ROCK2: variants seen among roughly 807,000 people sequenced by gnomAD.
ROCK2 encodes Rho associated coiled-coil containing protein kinase 2.
A neutral mutation model predicts 195.1 loss-of-function variants in ROCK2; 61 were observed. The ratio of observed to expected loss-of-function variants is 0.31; its 90% CI spans 0.25 to 0.39. ROCK2 has a LOEUF of 0.39. Ranked by LOEUF, ROCK2 falls within the 10% of genes least tolerant of loss-of-function variation. The pLI, the probability that ROCK2 is intolerant of heterozygous loss-of-function variation, is 1.00. For synonymous variants in ROCK2, 504 were observed against 545.5 expected, an observed-to-expected ratio of 0.92 and a Z score of 1.06; for missense variants, 1,109 against 1,637.4, an observed-to-expected ratio of 0.68 and a Z score of 5.57.
intron 1 of ROCK2, chr2:11,307,964 G>T: frequency 6.8e-7 from 1 of 1,468,392 alleles, no homozygotes; most frequent in South Asian, 1.4e-5. Flanking sequence ...TGGGAAGGAT[G>T]GCGCCCTAGA....
intron 1 of ROCK2, among the ~76,000 whole-genome samples, chr2:11,295,211 A>T (rs889133420): frequency 6.6e-6 from 1 of 152,164 alleles, no homozygotes; most frequent in Non-Finnish European, 1.5e-5. Context: ...AACAGAAAAC[A>T]GGCAATTTAC....
At chr2:11,334,510 C>CAAAAAAAAAAAAAAAAAAAA (rs34182610) in intron 1 of ROCK2, among the ~76,000 whole-genome samples, 1 of 89,674 alleles carries the variant, frequency 1.1e-5, no homozygotes, top group African/African-American at 4.4e-5. Flanking sequence ...GACTCTGTCT[C>CAAAAAAAAAAAAAAAAAAAA]AAAAAAAAAA....
intron 1 of ROCK2, among the ~76,000 whole-genome samples, chr2:11,317,612 A>ATATATATATATAT (rs59701503): frequency 1.6e-4 from 3 of 19,308 alleles, no homozygotes; most frequent in African/African-American, 4.8e-4. Context: ...ATATATATAT[A>ATATATATATATAT]TTTTTTTTTT....
At chr2:11,198,241 T>C (rs1663712098) in intron 25 of ROCK2, among the ~76,000 whole-genome samples, 1 of 152,132 alleles carries the variant, frequency 6.6e-6, no homozygotes, top group South Asian at 2.1e-4. Context: ...ACACATTAAA[T>C]TACAACAATA....
At chr2:11,261,087 T>C (rs1380526886) in intron 3 of ROCK2, among the ~76,000 whole-genome samples, 2 of 152,234 alleles carry the variant, frequency 1.3e-5, no homozygotes, top group East Asian at 1.9e-4. Flanking sequence ...TACAAAACTT[T>C]AGAATATTTT....
intron 4 of ROCK2, among the ~76,000 whole-genome samples, chr2:11,245,351 T>C (rs1665576559): frequency 6.6e-6 from 1 of 151,828 alleles, no homozygotes; most frequent in Non-Finnish European, 1.5e-5. Flanking sequence ...ATCTCGTAAG[T>C]AATCAAGGAA....
intron 5 of ROCK2, among the ~76,000 whole-genome samples, chr2:11,227,602 A>C (rs963778924): frequency 4.6e-5 from 7 of 152,230 alleles, no homozygotes; most frequent in Non-Finnish European, 8.8e-5. Flanking sequence ...GATAGGAATA[A>C]ACTGTGAACT....
chr2:11,235,757 T>C lies in ROCK2; in HGVS notation c.668A>G (p.Asp223Gly). The change falls in exon 5 of 33, where the codon GAT (aspartate) becomes GGT (glycine). Residue 223 changes from aspartate to glycine, a missense_variant. Physicochemically the swap from Asp to Gly is moderately conservative, Grantham distance 94 (BLOSUM62 -1). Coordinates refer to ENST00000315872, the MANE Select transcript of ROCK2 (RefSeq NM_004850.5). The surrounding 1 kb of genome is among the most constrained non-coding windows in gnomAD (Gnocchi z 4.2). ...RDVKPDNMLL[D>G]KHGHLKLADF... ...TGCTAATTTTAGATGTCCATGTTTA[T>C]CCAAGAGCATGTTGTCAGGCTTCAC... 1.2e-6 allele frequency: 2 copies of C among 1,613,872 alleles called. No homozygotes were observed. The highest frequency in any genetic ancestry group is 1.7e-6 in the Non-Finnish European group (2 of 1,179,874).
At chr2:11,193,165 T>C (rs1336402496) in intron 30 of ROCK2, among the ~76,000 whole-genome samples, 1 of 152,196 alleles carries the variant, frequency 6.6e-6, no homozygotes, top group African/African-American at 2.4e-5. Flanking sequence ...AAAAGTCCTA[T>C]ATTTTGAGAG....
At chr2:11,217,426 A>G in intron 11 of ROCK2, 1 of 519,644 alleles carries the variant, frequency 1.9e-6, no homozygotes, top group South Asian at 1.7e-5. Context: ...TAACTTTGGC[A>G]GAATTGTTCT....
chr2:11,331,868 G>A (rs1668778054), intron 1 of ROCK2, among the ~76,000 whole-genome samples: 1 of 152,224 alleles, frequency 6.6e-6, no homozygotes, highest in Non-Finnish European at 1.5e-5. Context: ...GGAAGTTGCA[G>A]TGAGCTGAGA....
intron 5 of ROCK2, chr2:11,234,095 T>A (rs945667960): frequency 4.6e-5 from 7 of 152,076 alleles, no homozygotes; most frequent in South Asian, 2.1e-4. Flanking sequence ...CCATATTTTT[T>A]AAATTTATTA....
chr2:11,246,608 A>T (rs1339110346), intron 4 of ROCK2, among the ~76,000 whole-genome samples: 3 of 152,232 alleles, frequency 2.0e-5, no homozygotes, highest in Admixed American at 6.5e-5. Flanking sequence ...TGAATTCAGA[A>T]ATCACCCTAA....
intron 3 of ROCK2, among the ~76,000 whole-genome samples, chr2:11,259,922 T>A (rs761248212): frequency 1.2e-4 from 18 of 151,540 alleles, no homozygotes; most frequent in Middle Eastern, 3.4e-3. Context: ...ATTTGTATAC[T>A]GTTGTAAAAT....
intron 1 of ROCK2, among the ~76,000 whole-genome samples, chr2:11,331,013 A>AAAGAAGGAGG (rs1668744402): frequency 9.5e-5 from 1 of 10,564 alleles, no homozygotes; most frequent in Non-Finnish European, 2.0e-4. Context: ...GAAGGAGCAG[A>AAAGAAGGAGG]AAGAAGGAGG....
chr2:11,303,878 T>C (rs536442223), intron 1 of ROCK2, among the ~76,000 whole-genome samples: 1 of 152,292 alleles, frequency 6.6e-6, no homozygotes, highest in South Asian at 2.1e-4. Context: ...CCTATAAACA[T>C]CTTTAGACAG....
At position 11,256,049 on chromosome 2, in the gene ROCK2, C is replaced by T. The variant is rs537353934; in HGVS notation, c.325-6251G>A. Among the ~76,000 whole-genome samples the T allele has an allele frequency of 2.1e-4, 32 of 150,220 alleles. 1 individual carries two copies. Among genetic ancestry groups the T allele is most frequent in the African/African-American group, 7.7e-4 (31 of 40,176 alleles). On this transcript the variant is annotated intron_variant, in intron 3 of 32. Transcript: ENST00000315872. ...GAAACTGAAGAGACTCAGGGGATTC[C>T]AATACCATTTTAAACAGTCTAAAAT...
intron 3 of ROCK2, among the ~76,000 whole-genome samples, chr2:11,281,871 G>C (rs757763258): frequency 2.6e-5 from 4 of 152,250 alleles, no homozygotes; most frequent in Non-Finnish European, 5.9e-5. Flanking sequence ...CAAATGGAGA[G>C]ACAGTCCATG....
intron 3 of ROCK2, among the ~76,000 whole-genome samples, chr2:11,273,737 C>T (rs550799150): frequency 6.6e-6 from 1 of 152,186 alleles, no homozygotes; most frequent in African/African-American, 2.4e-5. Flanking sequence ...AGGCCACAGA[C>T]TAAGTCTCAA....
Sources: gnomAD v4.1 joint callset for allele counts (sites outside exome capture counted in the v4.1 genomes callset) on GRCh38, gnomAD v4.1.1 for gene constraint, Gnocchi (gnomAD v3.1) non-coding constraint, MANE v1.5 for transcripts, NCBI Gene and HGNC (gene_info 2026-07-23, HGNC 2026-07-21) for gene names.